Variants in THNSL1 observed in about 807,000 individuals in gnomAD.
THNSL1 encodes the protein threonine synthase-like 1.
In THNSL1, 48 loss-of-function variants were observed where a neutral mutation model predicts 50.4. The ratio of observed to expected loss-of-function variants is 0.95; its 90% CI spans 0.76 to 1.21. The LOEUF is 1.21. Among genes scored for constraint, THNSL1 ranks in the 50% most tolerant of loss-of-function variants. The pLI is 0.00. For missense variants in THNSL1, 896 were observed against 871.7 expected (o/e 1.03, Z -0.35); for synonymous variants, 309 against 306.1 (o/e 1.01, Z -0.10).
intron 1 of THNSL1, among the ~76,000 whole-genome samples, chr10:25,019,732 A>G (rs997555640): frequency 6.6e-6 from 1 of 152,330 alleles, no homozygotes; most frequent in African/African-American, 2.4e-5. Context: ...ATCCCTCTCA[A>G]TGCTTAATCC....
the THNSL1 span, among the ~76,000 whole-genome samples, chr10:24,988,240 ATATATATATATGTGTATATATATATT>A: frequency 2.1e-5 from 3 of 145,074 alleles, no homozygotes; most frequent in African/African-American, 7.7e-5. Flanking sequence ...AAATGTATAT[ATATATATATATGTGTATATATATATT>A]TATATATATG....
the THNSL1 span, among the ~76,000 whole-genome samples, chr10:24,964,293 G>A: frequency 1.3e-5 from 2 of 152,274 alleles, no homozygotes; most frequent in East Asian, 3.9e-4. Context: ...GTTTTTAGGA[G>A]GTAAATGAAA....
At position 25,025,318 on chromosome 10, in the gene THNSL1, A is replaced by G. The variant is rs1564351128; in HGVS notation, c.2095A>G (p.Asn699Asp). Residue 699 changes from asparagine (N) to aspartate (D), a missense_variant, in exon 3 of 3, where the codon AAT (asparagine) becomes GAT (aspartate). Physicochemically the swap from Asn to Asp is conservative, Grantham distance 23 (BLOSUM62 1). Transcript: ENST00000376356. ...SSQLYLLGSY[N>D]ALPPLHEALL... Reference sequence around the variant, plus strand: ...TCAGCTCTATTTGCTGGGTTCATACAATGCATTACCTCCACTGCATGAGGC... The same window carrying G: ...TCAGCTCTATTTGCTGGGTTCATACGATGCATTACCTCCACTGCATGAGGC... 2.6e-5 allele frequency: 42 copies of G among 1,614,090 alleles called. No individual in the cohort carries two copies. The highest frequency in any genetic ancestry group is 3.3e-4 in the Middle Eastern group (2 of 6,084).
In THNSL1 at chr10:25,025,127, C is replaced by A. The variant is rs372900675; in HGVS notation, c.1904C>A (p.Ser635Ter). ...LAAINSTYNTSGYILDPHTAV... is the reference protein window; with the variant it reads ...LAAINSTYNT ...GCTATTAACTCCACCTATAATACTT[C>A]AGGGTATATTTTGGATCCACACACT... Residue 635 changes from serine (S) to a stop codon, truncating the protein, a stop_gained, in exon 3 of 3, where the codon TCA becomes TAA. Coordinates refer to ENST00000376356, the MANE Select transcript of THNSL1 (RefSeq NM_024838.5). LOFTEE classifies it high-confidence loss of function. 3.1e-6 allele frequency: 5 copies of A among 1,613,906 alleles called. No homozygotes were observed. The African/African-American group carries it at 4.0e-5, about 13-fold the overall frequency.
chr10:25,018,658 T>G (rs1167141725), intron 1 of THNSL1, among the ~76,000 whole-genome samples: 4 of 113,796 alleles, frequency 3.5e-5, no homozygotes, highest in Non-Finnish European at 7.9e-5. Flanking sequence ...AAATGAGAGT[T>G]GTTTTTTTTT....
chr10:25,004,161 T>C, the THNSL1 span, among the ~76,000 whole-genome samples: 1 of 152,236 alleles, frequency 6.6e-6, no homozygotes, highest in African/African-American at 2.4e-5. Context: ...TCACCTTTTC[T>C]TTATCCAGTC....
At chr10:24,982,769 C>T in the THNSL1 span, 1 of 152,128 alleles carries the variant, frequency 6.6e-6, no homozygotes, top group Non-Finnish European at 1.5e-5. Context: ...CCTCTGAAGG[C>T]TCTGTGAAAG....
chr10:24,999,634 A>T, the THNSL1 span: 4 of 1,211,854 alleles, frequency 3.3e-6, no homozygotes, highest in Non-Finnish European at 4.6e-6. Flanking sequence ...TACATTTTTA[A>T]TTTATTTAAG....
the THNSL1 span, among the ~76,000 whole-genome samples, chr10:24,987,857 C>T: frequency 6.6e-6 from 1 of 152,072 alleles, no homozygotes; most frequent in Non-Finnish European, 1.5e-5. Flanking sequence ...TTGCTCTGTA[C>T]AGTATCCCTC....
Position 25,025,277 on chromosome 10 carries a change from A to C in THNSL1, c.2054A>C (p.Asn685Thr). 1 of 1,614,228 alleles carries C rather than the reference A, an allele frequency of 6.2e-7. No individual in the cohort carries two copies. Among genetic ancestry groups the C allele is most frequent in the African/African-American group, 1.3e-5 (1 of 75,072 alleles). Residue 685 changes from asparagine (N) to threonine (T), a missense_variant, in exon 3 of 3, where the codon AAT becomes ACT. Coordinates refer to ENST00000376356, the MANE Select transcript of THNSL1 (RefSeq NM_024838.5). ...CAGGCTTTAAAGATTAAAGAAATCA[A>C]TGAGACTTCATCAAGTCAGCTCTAT... ...IMQALKIKEI[N>T]ETSSSQLYLL... is the part of the protein sequence containing the mutation.
At chr10:25,017,344 A>G (rs1035831074) in intron 1 of THNSL1, among the ~76,000 whole-genome samples, 2 of 152,126 alleles carry the variant, frequency 1.3e-5, no homozygotes, top group African/African-American at 4.8e-5. Context: ...GAGTGTTTAA[A>G]AGACATTTTG....
chr10:24,983,745 A>G, the THNSL1 span: 1 of 152,330 alleles, frequency 6.6e-6, no homozygotes, highest in East Asian at 1.9e-4. Context: ...TCCAGAGGAT[A>G]AAAACCAGTG....
At chr10:24,995,904 C>T in the THNSL1 span, 1 of 1,517,588 alleles carries the variant, frequency 6.6e-7, no homozygotes, top group South Asian at 1.2e-5. Flanking sequence ...TAATATTAAA[C>T]TACAAACACT....
the THNSL1 span, among the ~76,000 whole-genome samples, chr10:24,952,788 C>T: frequency 6.4e-3 from 964 of 151,504 alleles, 11 homozygotes; most frequent in African/African-American, 0.022. The surrounding 1 kb of genome is among the most constrained non-coding windows in gnomAD (Gnocchi z 5.1). Flanking sequence ...CTGGCTAGGC[C>T]GCGGGGGCGC....
chr10:24,956,310 G>A, the THNSL1 span, among the ~76,000 whole-genome samples: 2 of 151,956 alleles, frequency 1.3e-5, no homozygotes, highest in African/African-American at 4.8e-5. Flanking sequence ...CCTCAAGTAG[G>A]CCCTGGTCAG....
chr10:24,996,454 G>A, the THNSL1 span, among the ~76,000 whole-genome samples: 1 of 149,394 alleles, frequency 6.7e-6, no homozygotes, highest in African/African-American at 2.6e-5. Context: ...GTGTGTGTGT[G>A]TGTATATATA....
At chr10:24,990,526 C>T in the THNSL1 span, 1 of 1,614,004 alleles carries the variant, frequency 6.2e-7, no homozygotes, top group Middle Eastern at 1.7e-4. Flanking sequence ...TAAGGTTTTC[C>T]TGGATATAAC....
Position 25,025,708 on chromosome 10 carries a change from G to T in THNSL1, c.*253G>T, listed in dbSNP as rs12256642. On this transcript the variant is annotated 3_prime_UTR_variant, in exon 3 of 3. Coordinates refer to ENST00000376356, the MANE Select transcript of THNSL1 (RefSeq NM_024838.5). ...CATACTTTTGCCTTCTGCTCATGAG[G>T]GGTGTATCAATTTCCACTCCCACAC... 11 of 418,618 alleles carry T rather than the reference G, an allele frequency of 2.6e-5. No individual in the cohort carries two copies. Among genetic ancestry groups the T allele is most frequent in the East Asian group, 8.2e-5 (2 of 24,534 alleles). The allele number at this position is 418,618 out of a possible 1,614,324, so 25.9% of individuals were successfully genotyped here.
the THNSL1 span, among the ~76,000 whole-genome samples, chr10:24,988,903 C>A: frequency 1.3e-5 from 2 of 151,672 alleles, no homozygotes; most frequent in Non-Finnish European, 2.9e-5. Flanking sequence ...TGGCTCAGGG[C>A]TCGTCAGGAG....
Sources: gnomAD v4.1 joint callset for allele counts (sites outside exome capture counted in the v4.1 genomes callset) on GRCh38, gnomAD v4.1.1 for gene constraint, Gnocchi (gnomAD v3.1) non-coding constraint, MANE v1.5 for transcripts, NCBI Gene and HGNC (gene_info 2026-07-23, HGNC 2026-07-21) for gene names.